The following OR51B5 variants were observed in gnomAD, a reference collection of about 807,000 sequenced individuals.
The protein encoded by OR51B5 is olfactory receptor family 51 subfamily B member 5.
For missense variants in OR51B5, 456 were observed against 374.6 expected (o/e 1.22, Z -1.79); for synonymous variants, 186 against 144.8 (o/e 1.28, Z -2.04).
chr11:5,412,508 G>A (rs7106468), intron 1 of OR51B5, among the ~76,000 whole-genome samples: 124,897 of 151,976 alleles, frequency 0.82, 52,189 homozygotes, highest in Non-Finnish European at 0.89. Context: ...CTCGGGAAGC[G>A]CAAGGGGTCA....
chr11:5,371,739 T>C (rs959560540), intron 1 of OR51B5, among the ~76,000 whole-genome samples: 5 of 152,180 alleles, frequency 3.3e-5, no homozygotes, highest in Non-Finnish European at 2.9e-5. Flanking sequence ...ACACCTTCCA[T>C]AGATACCTTT....
intron 1 of OR51B5, chr11:5,392,688 GGATCA>G (rs1849814096): frequency 1.3e-5 from 2 of 152,342 alleles, no homozygotes; most frequent in African/African-American, 4.8e-5. Context: ...CGAGGCGGGT[GGATCA>G]CGAGGTCAGG....
chr11:5,478,265 C>T (rs905937326), intron 1 of OR51B5, among the ~76,000 whole-genome samples: 7 of 152,042 alleles, frequency 4.6e-5, no homozygotes, highest in South Asian at 2.1e-4. Flanking sequence ...ACACCTCACA[C>T]GGCAGGGTAT....
chr11:5,376,555 T>G (rs1271301228), intron 1 of OR51B5, among the ~76,000 whole-genome samples: 1 of 151,954 alleles, frequency 6.6e-6, no homozygotes, highest in African/African-American at 2.4e-5. Context: ...ACAAAACTGA[T>G]AGACCGCTAG....
At position 5,452,504 on chromosome 11, in the gene OR51B5, C is replaced by CAAAAA. The variant is rs56677841; in HGVS notation, n.84+53060_84+53064dup. On this transcript the variant is annotated intron_variant and non_coding_transcript_variant, in intron 1 of 4. Coordinates refer to the OR51B5 transcript ENST00000415970. ...TGGGCAAAAGAGAGAGACTCTGTCT[C>CAAAAA]AAAAAAAAAAAAAAAAAAAAAAAAA... Among the ~76,000 whole-genome samples, 105 of 69,194 alleles carry CAAAAA rather than the reference C, an allele frequency of 1.5e-3. 7 individuals carry two copies. The highest frequency in any genetic ancestry group is 1.6e-3 in the Non-Finnish European group (63 of 38,388). The allele number at this position is 69,194 out of a possible 152,430, so 45.4% of individuals were successfully genotyped here.
At chr11:5,369,164 G>A (rs576335174) in intron 1 of OR51B5, among the ~76,000 whole-genome samples, 8,351 of 152,194 alleles carry the variant, frequency 0.055, 1 homozygote, top group South Asian at 0.089. Flanking sequence ...TTAAAAATAG[G>A]CATTCATTCA....
chr11:5,452,591 C>T (rs78073918), intron 1 of OR51B5, among the ~76,000 whole-genome samples: 1 of 141,560 alleles, frequency 7.1e-6, no homozygotes, highest in South Asian at 2.3e-4. Flanking sequence ...AGCGACTTTA[C>T]GAGATATGGA....
chr11:5,378,789 A>G (rs56157178), intron 1 of OR51B5, among the ~76,000 whole-genome samples: 40,428 of 150,566 alleles, frequency 0.27, 5,939 homozygotes, highest in Non-Finnish European at 0.34. Flanking sequence ...TTAGAATGGC[A>G]ATCATTAAAA....
intron 1 of OR51B5, among the ~76,000 whole-genome samples, chr11:5,404,190 C>G (rs1850022529): frequency 6.6e-6 from 1 of 150,694 alleles, no homozygotes; most frequent in Non-Finnish European, 1.5e-5. Flanking sequence ...GGGGGCGGAA[C>G]TTGAAGAACT....
intron 1 of OR51B5, among the ~76,000 whole-genome samples, chr11:5,487,210 T>G (rs950555792): frequency 3.3e-4 from 51 of 152,304 alleles, no homozygotes; most frequent in African/African-American, 1.2e-3. Context: ...TGGTTAGGGA[T>G]GTAAATGATA....
intron 1 of OR51B5, among the ~76,000 whole-genome samples, chr11:5,424,673 G>T (rs979285299): frequency 6.6e-6 from 1 of 151,972 alleles, no homozygotes; most frequent in Non-Finnish European, 1.5e-5. Context: ...TCCTGTCTCT[G>T]TAAGTAGCAT....
At chr11:5,354,720 C>G (rs1374955900) in intron 1 of OR51B5, 1 of 171,924 alleles carries the variant, frequency 5.8e-6, no homozygotes, top group Admixed American at 6.4e-5. Flanking sequence ...GCATCTTTGC[C>G]AAGAATGCCT....
chr11:5,466,523 C>G (rs1851140978), intron 1 of OR51B5, among the ~76,000 whole-genome samples: 2 of 152,164 alleles, frequency 1.3e-5, no homozygotes, highest in Non-Finnish European at 2.9e-5. Context: ...AAAAAAAAGA[C>G]TTGAAACAAA....
At chr11:5,341,169 A>G (rs1848886623), downstream of OR51B5, 1 of 152,226 alleles carries the variant, frequency 6.6e-6, no homozygotes, top group African/African-American at 2.4e-5. Context: ...TGTGCAATTT[A>G]TTAATGAATG....
At chr11:5,358,730 T>C (rs1352696830) in intron 1 of OR51B5, among the ~76,000 whole-genome samples, 2 of 152,104 alleles carry the variant, frequency 1.3e-5, no homozygotes, top group South Asian at 2.1e-4. Flanking sequence ...TGGACATCGA[T>C]GCAAAAAACC....
At chr11:5,453,853 G>C (rs752205284) in intron 1 of OR51B5, 14 of 1,614,194 alleles carry the variant, frequency 8.7e-6, no homozygotes, top group East Asian at 6.7e-5. Flanking sequence ...AGTTTTGACC[G>C]CTATGTGGCC....
At chr11:5,405,389 T>C (rs1850043543) in intron 1 of OR51B5, among the ~76,000 whole-genome samples, 1 of 152,132 alleles carries the variant, frequency 6.6e-6, no homozygotes, top group Non-Finnish European at 1.5e-5. Context: ...AAGCAAGAAA[T>C]AAAGCCTTTG....
At chr11:5,378,427 A>G (rs1024103856) in intron 1 of OR51B5, among the ~76,000 whole-genome samples, 4 of 152,164 alleles carry the variant, frequency 2.6e-5, no homozygotes, top group Non-Finnish European at 5.9e-5. Context: ...TAAAACACCA[A>G]AAGCGATGGC....
Position 5,428,556 on chromosome 11 carries a change from G to C in OR51B5, n.84+77013C>G, listed in dbSNP as rs891744194. Reference sequence around the variant, plus strand: ...GTAAAATGATCCATGCTTATATATAGATATGTTTTAGCTTTTTATATTAGA... The same window carrying C: ...GTAAAATGATCCATGCTTATATATACATATGTTTTAGCTTTTTATATTAGA... On this transcript the variant is annotated intron_variant and non_coding_transcript_variant, in intron 1 of 4. Transcript: ENST00000415970. Among the ~76,000 whole-genome samples the C allele has an allele frequency of 2.0e-5, 3 of 152,108 alleles. No homozygotes were observed. In the East Asian group the frequency reaches 5.8e-4, roughly 29 times the overall value.
Sources: allele counts gnomAD v4.1 joint callset (sites outside exome capture counted in the v4.1 genomes callset), GRCh38; gene constraint gnomAD v4.1.1; transcripts MANE v1.5; gene names NCBI Gene and HGNC (gene_info 2026-07-23, HGNC 2026-07-21).